AK8: variants seen among roughly 807,000 people sequenced by gnomAD.
AK8 encodes the protein ATP-AMP transphosphorylase 8.
In AK8, 44 loss-of-function variants were observed where a neutral mutation model predicts 54.6. The ratio of observed to expected loss-of-function variants is 0.81; its 90% CI spans 0.63 to 1.04. AK8 has a LOEUF of 1.04. Ranked by LOEUF, AK8 falls within the 50% of genes least tolerant of loss-of-function variation. The pLI is 0.00. For synonymous variants in AK8, 239 were observed against 245.6 expected (o/e 0.97, Z 0.25); for missense variants, 555 against 613.6 (o/e 0.90, Z 1.01).
At chr9:132,840,606 C>T (rs2131343703) in intron 5 of AK8, among the ~76,000 whole-genome samples, 1 of 152,242 alleles carries the variant, frequency 6.6e-6, no homozygotes, top group Non-Finnish European at 1.5e-5. Flanking sequence ...CAAAAGTGCA[C>T]CACAGGCCAG....
At chr9:132,742,169 C>CTTTTT (rs573195791) in intron 11 of AK8, among the ~76,000 whole-genome samples, 2 of 126,614 alleles carry the variant, frequency 1.6e-5, no homozygotes, top group Non-Finnish European at 1.7e-5. Flanking sequence ...TGGACTTGGA[C>CTTTTT]TTTTTTTTTT....
chr9:132,787,988 C>G, intron 11 of AK8, among the ~76,000 whole-genome samples: 1 of 151,074 alleles, frequency 6.6e-6, no homozygotes, highest in South Asian at 2.1e-4. Context: ...TGCAGTAAGC[C>G]TAGAAAAAAA....
At chr9:132,744,478 C>T (rs555055989) in intron 11 of AK8, among the ~76,000 whole-genome samples, 189 of 151,696 alleles carry the variant, frequency 1.2e-3, no homozygotes, top group Non-Finnish European at 2.0e-3. Flanking sequence ...AGGTCATCCT[C>T]GGTCAGATCA....
chr9:132,749,848 G>A (rs1775645864), intron 11 of AK8, among the ~76,000 whole-genome samples: 1 of 151,894 alleles, frequency 6.6e-6, no homozygotes, highest in Non-Finnish European at 1.5e-5. Flanking sequence ...CACCAGAACC[G>A]GCGCAGAGAA....
intron 10 of AK8, among the ~76,000 whole-genome samples, chr9:132,798,094 T>C (rs11999947): frequency 0.08 from 12,216 of 152,236 alleles, 567 homozygotes; most frequent in Admixed American, 0.13. Context: ...CTGGTAGGGC[T>C]CTCCCATCTG....
chr9:132,784,522 GAAAGAA>G (rs1472437626), intron 11 of AK8, among the ~76,000 whole-genome samples: 1 of 151,618 alleles, frequency 6.6e-6, no homozygotes, highest in Non-Finnish European at 1.5e-5. Flanking sequence ...AAGAAAGAAA[GAAAGAA>G]AAGGAAGGAG....
intron 11 of AK8, among the ~76,000 whole-genome samples, chr9:132,778,528 T>G (rs1839324572): frequency 6.6e-6 from 1 of 152,200 alleles, no homozygotes; most frequent in South Asian, 2.1e-4. Flanking sequence ...CTACTTTGCA[T>G]TTTAATTTTT....
At chr9:132,842,325 GTTCATTCATTCATTCA>G (rs367839334) in intron 5 of AK8, among the ~76,000 whole-genome samples, 1 of 151,996 alleles carries the variant, frequency 6.6e-6, no homozygotes, top group African/African-American at 2.4e-5. Context: ...TTATTGACTG[GTTCATTCATTCATTCA>G]TTCATTCATT....
chr9:132,835,541 G>A (rs1007146162), intron 5 of AK8, among the ~76,000 whole-genome samples: 1 of 152,208 alleles, frequency 6.6e-6, no homozygotes, highest in Non-Finnish European at 1.5e-5. Context: ...TCTTGTAACG[G>A]CGGAAAGCAG....
At chr9:132,850,982 A>G (rs1485378183) in intron 5 of AK8, among the ~76,000 whole-genome samples, 1 of 152,086 alleles carries the variant, frequency 6.6e-6, no homozygotes, top group African/African-American at 2.4e-5. Flanking sequence ...CACTGAAAGT[A>G]GCTGTAATAC....
chr9:132,740,823 G>T (rs1465439865), intron 11 of AK8, among the ~76,000 whole-genome samples: 1 of 152,174 alleles, frequency 6.6e-6, no homozygotes, highest in Non-Finnish European at 1.5e-5. Flanking sequence ...TCATCTCCAG[G>T]GCTGCACTCC....
chr9:132,850,693 C>T (rs1311209158), intron 5 of AK8, among the ~76,000 whole-genome samples: 2 of 152,166 alleles, frequency 1.3e-5, no homozygotes, highest in Non-Finnish European at 2.9e-5. Context: ...CCACCACGCC[C>T]GGCCAATTTT....
intron 11 of AK8, among the ~76,000 whole-genome samples, chr9:132,787,421 T>C (rs1225069126): frequency 6.6e-6 from 1 of 152,168 alleles, no homozygotes; most frequent in East Asian, 1.9e-4. Context: ...CAGGATCAGA[T>C]TGGCATTGGA....
At chr9:132,866,782 G>A (rs759527306) in intron 3 of AK8, 122 bp downstream of exon 3, 4 of 950,408 alleles carry the variant, frequency 4.2e-6, no homozygotes, top group Non-Finnish European at 6.6e-6. Flanking sequence ...TAATAAGAAG[G>A]AGGAGAAGGA....
intron 5 of AK8, among the ~76,000 whole-genome samples, chr9:132,844,291 T>C (rs1344862134): frequency 9.2e-6 from 1 of 108,180 alleles, no homozygotes; most frequent in African/African-American, 3.1e-5. Context: ...AGAGACTGCA[T>C]TAGACCAAAA....
chr9:132,833,782 A>T (rs1842204452), intron 5 of AK8, among the ~76,000 whole-genome samples: 1 of 152,272 alleles, frequency 6.6e-6, no homozygotes, highest in Admixed American at 6.5e-5. Context: ...CCAGCAGAGC[A>T]CGGCCTGATG....
At chr9:132,785,696 G>C (rs1839670062) in intron 11 of AK8, among the ~76,000 whole-genome samples, 1 of 105,540 alleles carries the variant, frequency 9.5e-6, no homozygotes, top group Non-Finnish European at 2.4e-5. Flanking sequence ...AGTCATTTCA[G>C]ATTGAAGAAA....
chr9:132,828,724 G>A lies in AK8; in HGVS notation c.405C>T (p.Gly135=). 6.2e-7 allele frequency: 1 copy of A among 1,606,006 alleles called. No homozygotes were observed. Among genetic ancestry groups the A allele is most frequent in the South Asian group, 1.1e-5 (1 of 90,388 alleles). ...TCTCAGGGATGCCATCCAGAATCCA[G>A]CCCTAGACAGAAGATTCAGAGAGGT... The part of the protein sequence containing the change: ...RLAEEDCIKQ[G]WILDGIPETR... The change falls in exon 6 of 13, where the codon GGC becomes GGT. Residue 135 remains glycine, a splice_region_variant and synonymous_variant. Transcript: ENST00000298545.
rs1839916892 is a variant in AK8, at chr9:132,790,848, ATAAG to A, written c.1121+1782_1121+1785del. ...TTTGAGAAGGTGGCTGGGGTATAAA[ATAAG>A]TAAGCCAAAATCAATGTCTTTTGTA... On this transcript the variant is annotated intron_variant, in intron 11 of 12. Coordinates refer to ENST00000298545, the MANE Select transcript of AK8 (RefSeq NM_152572.3). This position sits in a 1 kb window ranked among gnomAD's most constrained non-coding sequence, Gnocchi z 4.1. 6.6e-6 allele frequency among the ~76,000 whole-genome samples: 1 copy of A among 152,226 alleles called. No individual in the cohort carries two copies. The highest frequency in any genetic ancestry group is 2.4e-5 in the African/African-American group (1 of 41,452).
Sources: allele counts gnomAD v4.1 joint callset (sites outside exome capture counted in the v4.1 genomes callset), GRCh38; gene constraint gnomAD v4.1.1; non-coding constraint Gnocchi (gnomAD v3.1); transcripts MANE v1.5; gene names NCBI Gene and HGNC (gene_info 2026-07-23, HGNC 2026-07-21).